Variants in SLX4 observed in about 807,000 individuals in gnomAD.
The protein encoded by SLX4 is structure-specific endonuclease subunit SLX4.
Under a neutral mutation model 146.2 loss-of-function variants are expected in SLX4, and 112 were observed. The ratio of observed to expected loss-of-function variants is 0.77; its 90% CI spans 0.66 to 0.90. SLX4 has a LOEUF of 0.90. SLX4 is among the 40% of genes least tolerant of loss of function. The pLI, the probability that SLX4 is intolerant of heterozygous loss-of-function variation, is 0.00. For missense variants in SLX4, 2,563 were observed against 2,392.7 expected (o/e 1.07, Z -1.49); for synonymous variants, 1,061 against 997.7 (o/e 1.06, Z -1.20).
At position 3,589,836 on chromosome 16, in the gene SLX4, C is replaced by T. The variant is rs199958007; in HGVS notation, c.3802G>A (p.Asp1268Asn). Residue 1268 changes from aspartate to asparagine, a missense_variant, in exon 12 of 15, where the codon GAC becomes AAC. Physicochemically the swap from Asp to Asn is conservative, Grantham distance 23 (BLOSUM62 1). Coordinates refer to ENST00000294008, the MANE Select transcript of SLX4 (RefSeq NM_032444.4). This position sits in a 1 kb window ranked among gnomAD's most constrained non-coding sequence, Gnocchi z 6.2. Reference sequence around the variant, plus strand: ...CTGATTTGGGTCTGGGAAGAACAGTCACGGCTTCTGCTGGCCAGCGGGGTG... The same window carrying T: ...CTGATTTGGGTCTGGGAAGAACAGTTACGGCTTCTGCTGGCCAGCGGGGTG... ...PATPLASRSR[D>N]CSSQTQISSL... The T allele has an allele frequency of 3.7e-6, 6 of 1,613,468 alleles. No homozygotes were observed. The highest frequency in any genetic ancestry group is 4.2e-6 in the Non-Finnish European group (5 of 1,180,020).
chr16:3,601,598 A>C (rs1490357670), intron 4 of SLX4: 1 of 327,914 alleles, frequency 3.0e-6, no homozygotes, highest in African/African-American at 2.1e-5. Context: ...TCCTCATCTA[A>C]GAATGGGAAA....
At chr16:3,610,341 G>A (rs113079136) in intron 1 of SLX4, among the ~76,000 whole-genome samples, 22 of 152,190 alleles carry the variant, frequency 1.4e-4, no homozygotes, top group African/African-American at 5.3e-4. Context: ...TTTATGGACC[G>A]TCTCCATCCC....
rs372472816 is a variant in SLX4 at position 3,584,792 on chromosome 16, C to T, written c.4716G>A (p.Pro1572=). Residue 1572 remains proline (P), a synonymous_variant, in exon 13 of 15, where the codon CCG becomes CCA. Transcript: ENST00000294008. ...ACCTATCCAGTTCCTTCTTCAGCAC[C>T]GGCGTCTCCATAATGGAATACTGTG... ...PMPQYSIMET[P]VLKKELDRFG... is the part of the protein sequence containing the mutation. 91 of 1,613,858 alleles carry T rather than the reference C, an allele frequency of 5.6e-5. No individual in the cohort carries two copies. Among genetic ancestry groups the T allele is most frequent in the Middle Eastern group, 4.9e-4 (3 of 6,082 alleles).
At chr16:3,600,382 G>A (rs1326387588) in intron 5 of SLX4, among the ~76,000 whole-genome samples, 1 of 152,094 alleles carries the variant, frequency 6.6e-6, no homozygotes, top group African/African-American at 2.4e-5. Flanking sequence ...ACCGACTGTG[G>A]GATCATGGGA....
Position 3,594,445 on chromosome 16 carries a change from G to GT in SLX4, c.2160+7dup. 6.2e-7 allele frequency: 1 copy of GT among 1,611,404 alleles called. No individual in the cohort carries two copies. Among genetic ancestry groups the GT allele is most frequent in the Non-Finnish European group, 8.5e-7 (1 of 1,178,888 alleles). ...GAAAGGAGGGCACACGGCAGCCCAC[G>GT]TACTTACATACTGGATGAGGAGCGG... On this transcript the variant is annotated splice_region_variant and intron_variant, in intron 10 of 14. Transcript: ENST00000294008.
intron 12 of SLX4, among the ~76,000 whole-genome samples, chr16:3,588,500 G>A (rs2040534030): frequency 6.6e-6 from 1 of 152,198 alleles, no homozygotes; most frequent in African/African-American, 2.4e-5. Context: ...GGGCATTTGG[G>A]TTGCTTCCAG....
intron 3 of SLX4, among the ~76,000 whole-genome samples, 165 bp from the exon 4 acceptor site, chr16:3,602,472 G>A (rs939521629): frequency 3.9e-5 from 6 of 152,230 alleles, no homozygotes; most frequent in African/African-American, 1.4e-4. Flanking sequence ...TGTCCAGTGA[G>A]ACTGGGCACT....
chr16:3,606,174 C>A (rs1044176389), intron 3 of SLX4, among the ~76,000 whole-genome samples: 2 of 151,666 alleles, frequency 1.3e-5, no homozygotes, highest in Non-Finnish European at 2.9e-5. Context: ...TTGCTTGAAC[C>A]TGGGAGGCGG....
chr16:3,584,824 G>A lies in SLX4; in HGVS notation c.4684C>T (p.Pro1562Ser), dbSNP rs893507870. The A allele has an allele frequency of 4.3e-6, 7 of 1,614,042 alleles. No individual in the cohort carries two copies. Among genetic ancestry groups the A allele is most frequent in the Non-Finnish European group, 5.1e-6 (6 of 1,180,002 alleles). The stretch of plus-strand genomic sequence containing the variant: ...TCCATAATGGAATACTGTGGCATCG[G>A]CGTTATGGGCACTTTGGGGGGCAAG... ...KNLPPKVPIT[P>S]MPQYSIMETP... Residue 1562 changes from proline to serine, a missense_variant, in exon 13 of 15, where the codon CCG becomes TCG. Physicochemically the swap from Pro to Ser is moderately conservative, Grantham distance 74. Coordinates refer to ENST00000294008, the MANE Select transcript of SLX4 (RefSeq NM_032444.4).
intron 5 of SLX4, among the ~76,000 whole-genome samples, chr16:3,600,143 T>A (rs2040709989): frequency 6.6e-6 from 1 of 152,106 alleles, no homozygotes; most frequent in African/African-American, 2.4e-5. Flanking sequence ...TCATCAGGCT[T>A]TAGATTTTCA....
chr16:3,591,324 C>T lies in SLX4; in HGVS notation c.2328-14G>A, dbSNP rs762839068. 3 of 1,607,968 alleles carry T rather than the reference C, an allele frequency of 1.9e-6. No individual in the cohort carries two copies. The highest frequency in any genetic ancestry group is 1.1e-5 in the South Asian group (1 of 91,072). On this transcript the variant is annotated splice_polypyrimidine_tract_variant and intron_variant, in intron 11 of 14. Coordinates refer to ENST00000294008, the MANE Select transcript of SLX4 (RefSeq NM_032444.4). ...CTCACGCCAAACCTGCAACACGAAA[C>T]ATCGACAGTCATCGCCCCTCTGCGT...
At position 3,597,683 on chromosome 16, in the gene SLX4, C is replaced by T. The variant is rs369994733; in HGVS notation, c.1379G>A (p.Arg460His). 111 of 1,613,728 alleles carry T rather than the reference C, an allele frequency of 6.9e-5. No individual in the cohort carries two copies. Among genetic ancestry groups the T allele is most frequent in the Non-Finnish European group, 8.8e-5 (104 of 1,179,986 alleles). ...RIRPEAENKS[R>H]KKKPPVSPPL... ...GGGGGATACCGGGGGTTTCTTCTTGCGACTTTTATTCTCTAGAGAGAAACA... is the reference window on the plus strand; with the variant it reads ...GGGGGATACCGGGGGTTTCTTCTTGTGACTTTTATTCTCTAGAGAGAAACA... The change falls in exon 7 of 15, where the codon CGC (arginine) becomes CAC (histidine). Residue 460 changes from arginine (R) to histidine (H), a missense_variant. Transcript: ENST00000294008. This position sits in a 1 kb window ranked among gnomAD's most constrained non-coding sequence, Gnocchi z 4.4.
In SLX4 at chr16:3,584,861, A is replaced by G. The variant is rs1245068367; in HGVS notation, c.4647T>C (p.Asn1549=). The G allele has an allele frequency of 6.2e-7, 1 of 1,612,716 alleles. No homozygotes were observed. Among genetic ancestry groups the G allele is most frequent in the East Asian group, 2.2e-5 (1 of 44,864 alleles). Reference sequence around the variant, plus strand: ...CTTTGGGGGGCAAGTTCTTCTTCCGATTAGCACCTTCTGGGTAAAACAAAA... The same window carrying G: ...CTTTGGGGGGCAAGTTCTTCTTCCGGTTAGCACCTTCTGGGTAAAACAAAA... ...PEGLETPKGA[N]RKKNLPPKVP... The change falls in exon 13 of 15, where the codon AAT becomes AAC. Residue 1549 remains asparagine (N), a synonymous_variant. Transcript: ENST00000294008.
intron 5 of SLX4, among the ~76,000 whole-genome samples, chr16:3,599,243 G>A (rs944101109): frequency 3.3e-5 from 5 of 152,006 alleles, no homozygotes; most frequent in Non-Finnish European, 7.4e-5. Context: ...TCTCAGCCCC[G>A]AGCCAGCTCA....
At chr16:3,596,026 C>A (rs563725168) in intron 8 of SLX4, 127 bp downstream of exon 8, 2 of 1,363,140 alleles carry the variant, frequency 1.5e-6, no homozygotes, top group Non-Finnish European at 1.9e-6. Flanking sequence ...CCAGAGGCTG[C>A]GTGTTCTCCC....
In SLX4 at chr16:3,608,956, C is replaced by T; in HGVS notation, c.9G>A (p.Leu3=). MK[L]SVNEAQLGFY... ...AGCCTAGCTGAGCCTCATTCACACT[C>T]AGTTTCATTAGGGTTCTTCTCTACT... The change falls in exon 2 of 15, where the codon CTG becomes CTA. Residue 3 remains leucine (L), a synonymous_variant. Transcript: ENST00000294008. 6.2e-7 allele frequency: 1 copy of T among 1,613,186 alleles called. No individual in the cohort carries two copies. The highest frequency in any genetic ancestry group is 1.1e-5 in the South Asian group (1 of 91,008).
chr16:3,582,640 C>G lies in SLX4; in HGVS notation c.5207G>C (p.Gly1736Ala). 1 of 1,613,494 alleles carries G rather than the reference C, an allele frequency of 6.2e-7. No individual in the cohort carries two copies. The highest frequency in any genetic ancestry group is 8.5e-7 in the Non-Finnish European group (1 of 1,180,040). The change falls in exon 15 of 15, where the codon GGC becomes GCC. Residue 1736 changes from glycine to alanine, a missense_variant. Coordinates refer to ENST00000294008, the MANE Select transcript of SLX4 (RefSeq NM_032444.4). ...AAFESAGEEE[G>A]EGEVSASQAA... ...CTGCGAGGCACTGACCTCCCCCTCG[C>G]CCTCCTCTTCACCTGCAGACTCAAA...
At chr16:3,611,511 T>G (rs1434976304) in intron 1 of SLX4, 49 bp downstream of exon 1, 1 of 152,460 alleles carries the variant, frequency 6.6e-6, no homozygotes. Flanking sequence ...TGACAGGACC[T>G]CCGCCTCCCG....
Position 3,594,434 on chromosome 16 carries a change from C to A in SLX4, c.2160+19G>T, listed in dbSNP as rs759835803. The A allele has an allele frequency of 6.2e-7, 1 of 1,606,714 alleles. No individual in the cohort carries two copies. The highest frequency in any genetic ancestry group is 1.8e-4 in the Middle Eastern group (1 of 5,450). Reference sequence around the variant, plus strand: ...GGGAGAGAGAGGAAAGGAGGGCACACGGCAGCCCACGTACTTACATACTGG... The same window carrying A: ...GGGAGAGAGAGGAAAGGAGGGCACAAGGCAGCCCACGTACTTACATACTGG... On this transcript the variant is annotated intron_variant, in intron 10 of 14. Transcript: ENST00000294008.
Sources: allele counts gnomAD v4.1 joint callset (sites outside exome capture counted in the v4.1 genomes callset), GRCh38; gene constraint gnomAD v4.1.1; non-coding constraint Gnocchi (gnomAD v3.1); transcripts MANE v1.5; gene names NCBI Gene and HGNC (gene_info 2026-07-23, HGNC 2026-07-21).